Variants in PCDH15 observed in about 807,000 individuals in gnomAD.
PCDH15 encodes protocadherin related 15.
A neutral mutation model predicts 178.5 loss-of-function variants in PCDH15; 129 were observed. The ratio of observed to expected loss-of-function variants is 0.72; its 90% confidence interval spans 0.63 to 0.84. The LOEUF (loss-of-function observed/expected upper bound fraction) is 0.84. Among genes scored for constraint, PCDH15 ranks in the 40% least tolerant of loss-of-function variants. The pLI is 0.00. For missense variants in PCDH15, 2,230 were observed against 2,099.9 expected (o/e 1.06, Z -1.21); for synonymous variants, 800 against 732.0 (o/e 1.09, Z -1.50).
At chr10:54,092,193 T>C (rs2094610278) in intron 15 of PCDH15, among the ~76,000 whole-genome samples, 1 of 152,246 alleles carries the variant, frequency 6.6e-6, no homozygotes, top group South Asian at 2.1e-4. Context: ...CACTCTTACA[T>C]TCCAATGCAA....
intron 29 of PCDH15, among the ~76,000 whole-genome samples, chr10:53,838,008 G>T (rs1209297508): frequency 6.7e-6 from 1 of 150,108 alleles, no homozygotes; most frequent in Non-Finnish European, 1.5e-5. Context: ...GCAGAGTCTT[G>T]CTCTCTTGCC....
chr10:55,581,613 G>A (rs900112431), intron 2 of PCDH15, among the ~76,000 whole-genome samples: 2 of 151,976 alleles, frequency 1.3e-5, no homozygotes, highest in Non-Finnish European at 2.9e-5. Context: ...AAATGATTAT[G>A]AGTCAATTTA....
At chr10:54,590,243 C>T (rs1016089100) in intron 2 of PCDH15, among the ~76,000 whole-genome samples, 5 of 151,988 alleles carry the variant, frequency 3.3e-5, no homozygotes, top group African/African-American at 9.7e-5. Flanking sequence ...AGTAGAAAAA[C>T]ACAGGTAGAA....
At chr10:55,078,974 C>T (rs994389694) in intron 2 of PCDH15, among the ~76,000 whole-genome samples, 1 of 152,084 alleles carries the variant, frequency 6.6e-6, no homozygotes, top group African/African-American at 2.4e-5. Flanking sequence ...GGATTTCTTT[C>T]CTTTTATAAT....
At chr10:54,377,195 TTAAA>T (rs1948574787) in intron 4 of PCDH15, among the ~76,000 whole-genome samples, 1 of 152,104 alleles carries the variant, frequency 6.6e-6, no homozygotes, top group African/African-American at 2.4e-5. Flanking sequence ...AGAATAAACA[TTAAA>T]TGTTATTTTC....
At chr10:55,119,743 T>G (rs1837719538) in intron 2 of PCDH15, among the ~76,000 whole-genome samples, 2 of 152,156 alleles carry the variant, frequency 1.3e-5, no homozygotes, top group African/African-American at 2.4e-5. Flanking sequence ...AGGGAAGTAA[T>G]ATTGGGAAAA....
intron 15 of PCDH15, among the ~76,000 whole-genome samples, chr10:54,121,751 G>A (rs1338743937): frequency 6.6e-6 from 1 of 151,834 alleles, no homozygotes; most frequent in Non-Finnish European, 1.5e-5. Flanking sequence ...AGATTGAATC[G>A]GGAAGAAATT....
chr10:54,949,736 C>G (rs1838287724), intron 2 of PCDH15, among the ~76,000 whole-genome samples: 1 of 151,940 alleles, frequency 6.6e-6, no homozygotes, highest in South Asian at 2.1e-4. Flanking sequence ...GTAATTTCTT[C>G]CACCAGACAC....
chr10:55,588,971 C>A (rs1287993949), intron 2 of PCDH15, among the ~76,000 whole-genome samples: 2 of 151,076 alleles, frequency 1.3e-5, no homozygotes, highest in Admixed American at 6.6e-5. Context: ...ATCCCAGCTA[C>A]TCGGGAGGCT....
chr10:53,972,592 A>G (rs2089819276), intron 21 of PCDH15, among the ~76,000 whole-genome samples: 1 of 152,248 alleles, frequency 6.6e-6, no homozygotes, highest in Non-Finnish European at 1.5e-5. Flanking sequence ...CAGATTTACA[A>G]GAAAAAATCA....
intron 21 of PCDH15, among the ~76,000 whole-genome samples, chr10:53,972,626 A>G (rs941783688): frequency 4.4e-4 from 67 of 152,338 alleles, no homozygotes; most frequent in Admixed American, 7.9e-4. Flanking sequence ...AAAAGTGGGC[A>G]AAGCATATGA....
intron 2 of PCDH15, among the ~76,000 whole-genome samples, chr10:54,654,489 T>A (rs2094332953): frequency 6.6e-6 from 1 of 152,182 alleles, no homozygotes; most frequent in Admixed American, 6.5e-5. Context: ...TACAAAATTA[T>A]AGTACTTGTC....
At chr10:54,689,070 G>T (rs1183468136) in intron 1 of PCDH15, among the ~76,000 whole-genome samples, 1 of 151,862 alleles carries the variant, frequency 6.6e-6, no homozygotes, top group Non-Finnish European at 1.5e-5. Context: ...TCTCAGTAAC[G>T]TTTCCAAAAT....
At chr10:54,785,579 C>T (rs572169354) in intron 1 of PCDH15, among the ~76,000 whole-genome samples, 65 of 152,054 alleles carry the variant, frequency 4.3e-4, no homozygotes, top group African/African-American at 1.6e-3. Flanking sequence ...ATTCTTCCAC[C>T]TTTGATGCAG....
chr10:53,856,544 A>G (rs182940027), intron 28 of PCDH15, among the ~76,000 whole-genome samples: 1 of 152,220 alleles, frequency 6.6e-6, no homozygotes, highest in East Asian at 1.9e-4. Flanking sequence ...GAAATGACAT[A>G]TTTCCTGGAC....
intron 2 of PCDH15, among the ~76,000 whole-genome samples, chr10:55,097,587 C>T (rs1372659276): frequency 6.6e-6 from 1 of 152,108 alleles, no homozygotes; most frequent in African/African-American, 2.4e-5. Context: ...CTACAGTGCA[C>T]TTACAGACAG....
intron 2 of PCDH15, among the ~76,000 whole-genome samples, chr10:55,583,880 AT>A (rs1294527487): frequency 1.3e-5 from 2 of 151,792 alleles, no homozygotes; most frequent in Admixed American, 6.6e-5. Flanking sequence ...TATATATACA[AT>A]TTTTTTGTTT....
chr10:53,886,890 C>G (rs74137226), intron 26 of PCDH15, among the ~76,000 whole-genome samples: 4,024 of 152,202 alleles, frequency 0.026, 166 homozygotes, highest in African/African-American at 0.09. Context: ...GCAGGCTGTT[C>G]CCTTTCACTT....
chr10:54,943,359 G>C (rs1362400283), intron 2 of PCDH15, among the ~76,000 whole-genome samples: 1 of 151,882 alleles, frequency 6.6e-6, no homozygotes, highest in Non-Finnish European at 1.5e-5. Flanking sequence ...AAGACATTTT[G>C]TGATTACAAT....
Sources: gnomAD v4.1 joint callset for allele counts (sites outside exome capture counted in the v4.1 genomes callset) on GRCh38, gnomAD v4.1.1 for gene constraint, MANE v1.5 for transcripts, NCBI Gene and HGNC (gene_info 2026-07-23, HGNC 2026-07-21) for gene names.